The following MYO9B variants were observed in gnomAD, a reference collection of about 807,000 sequenced individuals.
MYO9B encodes the protein myosin IXB, also known as unconventional myosin-IXb.
In MYO9B, 71 loss-of-function variants were observed where a neutral mutation model predicts 229.5. The observed-to-expected ratio is 0.31, with a 90% CI of 0.26 to 0.38. The LOEUF is 0.38. Among genes scored for constraint, MYO9B ranks in the 10% least tolerant of loss-of-function variants. The pLI is 1.00. For synonymous variants in MYO9B, 1,185 were observed against 1,235.8 expected (o/e 0.96, Z 0.86); for missense variants, 2,255 against 2,920.5 (o/e 0.77, Z 5.25).
At chr19:17,147,780 G>T (rs573558376) in intron 3 of MYO9B, among the ~76,000 whole-genome samples, 2 of 113,464 alleles carry the variant, frequency 1.8e-5, no homozygotes, top group Non-Finnish European at 3.5e-5. Context: ...CTGTCTCCTG[G>T]GTTCAAGCGA....
intron 38 of MYO9B, 42 bp from the exon 39 acceptor site, chr19:17,211,604 TC>T (rs1448810858): frequency 8.5e-6 from 13 of 1,537,672 alleles, no homozygotes; most frequent in Non-Finnish European, 1.1e-5. Flanking sequence ...GCCCAGCACT[TC>T]CGGTGGGGTG....
Position 17,101,033 on chromosome 19 carries a change from G to A in MYO9B, c.-58-627G>A, listed in dbSNP as rs117624530. 1.1e-4 allele frequency among the ~76,000 whole-genome samples: 16 copies of A among 151,074 alleles called. No individual in the cohort carries two copies. The East Asian group carries it at 3.0e-3, about 28-fold the overall frequency. On this transcript the variant is annotated intron_variant, in intron 1 of 39. Coordinates refer to ENST00000682292, the MANE Select transcript of MYO9B (RefSeq NM_004145.4). This position sits in a 1 kb window ranked among gnomAD's most constrained non-coding sequence, Gnocchi z 4.7. ...GTCAGGAAGGATGTGGGCTGGGAAGGGCATAGCAGAAAGAGGGTCATGGCT... is the reference window on the plus strand; with the variant it reads ...GTCAGGAAGGATGTGGGCTGGGAAGAGCATAGCAGAAAGAGGGTCATGGCT...
chr19:17,105,314 T>G (rs868711081), intron 2 of MYO9B, among the ~76,000 whole-genome samples: 4 of 116,986 alleles, frequency 3.4e-5, no homozygotes, highest in African/African-American at 1.3e-4. Context: ...AGACCCTGTC[T>G]CTACCAAAAA....
At chr19:17,102,628 C>G (rs778269126) in intron 2 of MYO9B, 71 bp downstream of exon 2, 62 of 1,464,820 alleles carry the variant, frequency 4.2e-5, no homozygotes, top group Non-Finnish European at 4.5e-6. Context: ...AGGCCAAGCT[C>G]GGTGGCCCAC....
At chr19:17,134,000 A>T (rs1599356975) in intron 2 of MYO9B, among the ~76,000 whole-genome samples, 1 of 151,972 alleles carries the variant, frequency 6.6e-6, no homozygotes, top group African/African-American at 2.4e-5. Flanking sequence ...TGACCTCATG[A>T]TCTGCCCGCC....
At chr19:17,174,867 G>A (rs1015490280) in intron 13 of MYO9B, among the ~76,000 whole-genome samples, 1 of 151,902 alleles carries the variant, frequency 6.6e-6, no homozygotes, top group African/African-American at 2.4e-5. Context: ...CGGGGAGGCA[G>A]AGGTTGCAGT....
intron 2 of MYO9B, chr19:17,103,794 AC>A (rs529999460): frequency 3.9e-5 from 6 of 152,210 alleles, no homozygotes; most frequent in African/African-American, 1.2e-4. Flanking sequence ...GGTGGCTCAC[AC>A]CTGTAATCCC....
At chr19:17,120,678 A>G (rs2057954696) in intron 2 of MYO9B, among the ~76,000 whole-genome samples, 1 of 150,952 alleles carries the variant, frequency 6.6e-6, no homozygotes, top group South Asian at 2.1e-4. Context: ...ATAGATAGAT[A>G]TCTAAATGTA....
intron 6 of MYO9B, among the ~76,000 whole-genome samples, chr19:17,156,119 T>G (rs913752692): frequency 6.6e-6 from 1 of 151,850 alleles, no homozygotes; most frequent in Admixed American, 6.6e-5. Flanking sequence ...TCCCATCAAG[T>G]TCACAGACAG....
chr19:17,111,513 C>G (rs1294609873), intron 2 of MYO9B, among the ~76,000 whole-genome samples: 1 of 152,074 alleles, frequency 6.6e-6, no homozygotes, highest in Non-Finnish European at 1.5e-5. Context: ...GCCTCAAATT[C>G]CTGGCCTCAA....
At chr19:17,201,696 G>C (rs186615863) in intron 26 of MYO9B, among the ~76,000 whole-genome samples, 12 of 152,254 alleles carry the variant, frequency 7.9e-5, no homozygotes, top group Admixed American at 7.8e-4. Flanking sequence ...TTAACCTGCT[G>C]TGGTACACAG....
intron 8 of MYO9B, among the ~76,000 whole-genome samples, chr19:17,161,307 G>A (rs2072599565): frequency 1.3e-5 from 2 of 152,144 alleles, no homozygotes; most frequent in South Asian, 4.1e-4. Flanking sequence ...AGGCTACTGG[G>A]TCTGTTAACG....
In MYO9B at chr19:17,210,754, C is replaced by G; in HGVS notation, c.5836C>G (p.Leu1946Val). ...GACCCGGGACATCCAGGAGGAGGAG[C>G]TGGAGGTGCTGCTGGAGGAGGAGGC... ...PKTRDIQEEE[L>V]EVLLEEEAAG... The change falls in exon 38 of 40, where the codon CTG (leucine) becomes GTG (valine). Residue 1946 changes from leucine to valine, a missense_variant. Transcript: ENST00000682292. 1.3e-6 allele frequency: 2 copies of G among 1,566,196 alleles called. No homozygotes were observed. Among genetic ancestry groups the G allele is most frequent in the South Asian group, 1.2e-5 (1 of 85,060 alleles).
At chr19:17,181,135 T>G in intron 15 of MYO9B, 95 bp downstream of exon 15, 1 of 817,894 alleles carries the variant, frequency 1.2e-6, no homozygotes, top group East Asian at 2.7e-5. Flanking sequence ...CTAATTTGCA[T>G]CGGCCACTAA....
At chr19:17,104,559 C>T (rs1599326662) in intron 2 of MYO9B, among the ~76,000 whole-genome samples, 2 of 152,130 alleles carry the variant, frequency 1.3e-5, no homozygotes, top group East Asian at 3.9e-4. Context: ...GGGGTCTGCA[C>T]CTCTGGGTGT....
chr19:17,188,101 C>A (rs146445635), intron 19 of MYO9B, 56 bp downstream of exon 19: 36 of 1,446,124 alleles, frequency 2.5e-5, no homozygotes, highest in Non-Finnish European at 3.4e-5. Flanking sequence ...AGGCAATCAC[C>A]CTCTTCCAAA....
chr19:17,107,283 C>A (rs2057801577), intron 2 of MYO9B, among the ~76,000 whole-genome samples: 1 of 152,068 alleles, frequency 6.6e-6, no homozygotes, highest in South Asian at 2.1e-4. Flanking sequence ...GAGGGTAGAT[C>A]CAACATTTAC....
chr19:17,133,217 A>G (rs2072224560), intron 2 of MYO9B, among the ~76,000 whole-genome samples: 1 of 152,170 alleles, frequency 6.6e-6, no homozygotes, highest in African/African-American at 2.4e-5. Flanking sequence ...ATACGTATAC[A>G]TTGTGGAAAG....
chr19:17,121,395 C>T (rs888595633), intron 2 of MYO9B, among the ~76,000 whole-genome samples: 3 of 151,464 alleles, frequency 2.0e-5, no homozygotes, highest in Non-Finnish European at 2.9e-5. Context: ...CTTTCTTTCC[C>T]CACTACCATA....
Sources: allele counts gnomAD v4.1 joint callset (sites outside exome capture counted in the v4.1 genomes callset), GRCh38; gene constraint gnomAD v4.1.1; non-coding constraint Gnocchi (gnomAD v3.1); transcripts MANE v1.5; gene names NCBI Gene and HGNC (gene_info 2026-07-23, HGNC 2026-07-21).